DPP6: variants seen among roughly 807,000 people sequenced by gnomAD.
DPP6 encodes A-type potassium channel modulatory protein DPP6.
A neutral mutation model predicts 122.6 loss-of-function variants in DPP6; 69 were observed. The ratio of observed to expected loss-of-function variants is 0.56; its 90% CI spans 0.46 to 0.69. The LOEUF is 0.69. Ranked by LOEUF, DPP6 falls within the 30% of genes least tolerant of loss-of-function variation. DPP6 has a pLI of 0.00. For synonymous variants in DPP6, 418 were observed against 433.1 expected (o/e 0.97, Z 0.43); for missense variants, 928 against 1,116.9 (o/e 0.83, Z 2.41).
At chr7:154,651,862 T>C (rs570981787) in intron 6 of DPP6, among the ~76,000 whole-genome samples, 3 of 152,126 alleles carry the variant, frequency 2.0e-5, no homozygotes, top group Non-Finnish European at 4.4e-5. Flanking sequence ...CTGGGCGGTT[T>C]TCTCCAAGAA....
intron 3 of DPP6, among the ~76,000 whole-genome samples, chr7:154,531,916 A>G (rs948119483): frequency 3.9e-5 from 6 of 152,134 alleles, no homozygotes; most frequent in African/African-American, 1.4e-4. Flanking sequence ...AAGAAATGCA[A>G]CTAAAATAGG....
chr7:154,508,228 T>C (rs1825805942), intron 3 of DPP6, among the ~76,000 whole-genome samples: 1 of 152,148 alleles, frequency 6.6e-6, no homozygotes, highest in Non-Finnish European at 1.5e-5. Flanking sequence ...TGCAGTTCCA[T>C]CTTGTTATCT....
chr7:153,937,750 A>G (rs1801523999), intron 1 of DPP6, among the ~76,000 whole-genome samples: 1 of 152,038 alleles, frequency 6.6e-6, no homozygotes, highest in Admixed American at 6.6e-5. Context: ...CCCAGCCCAG[A>G]GCTACCTTTG....
chr7:154,706,421 G>A (rs1184239219), intron 7 of DPP6, among the ~76,000 whole-genome samples: 3 of 152,146 alleles, frequency 2.0e-5, no homozygotes, highest in Non-Finnish European at 4.4e-5. Context: ...TGCCCTGTTG[G>A]CACTTTTTAA....
chr7:153,936,956 G>A (rs1801475570), intron 1 of DPP6, among the ~76,000 whole-genome samples: 1 of 152,220 alleles, frequency 6.6e-6, no homozygotes, highest in African/African-American at 2.4e-5. Context: ...CACAACCAGA[G>A]TTCCACAGGG....
chr7:154,784,122 T>C (rs956659286), intron 10 of DPP6, among the ~76,000 whole-genome samples: 1 of 152,158 alleles, frequency 6.6e-6, no homozygotes, highest in African/African-American at 2.4e-5. Flanking sequence ...TTTCATTGCC[T>C]GTGAGCCTCA....
chr7:154,042,834 C>T (rs1183417231), intron 1 of DPP6, among the ~76,000 whole-genome samples: 1 of 152,194 alleles, frequency 6.6e-6, no homozygotes, highest in Non-Finnish European at 1.5e-5. Context: ...CTTCCTATAG[C>T]TGTGAAAATT....
Position 154,691,190 on chromosome 7 carries a change from C to T in DPP6, c.762+21749C>T, listed in dbSNP as rs569529792. Among the ~76,000 whole-genome samples the T allele has an allele frequency of 4.6e-5, 7 of 152,306 alleles. No individual in the cohort carries two copies. The South Asian group carries it at 1.4e-3, about 32-fold the overall frequency. ...TGTTCAAATGGTCAGGGTGTGATTT[C>T]ATGGGCTGCATGGATTAAGGAACAT... On this transcript the variant is annotated intron_variant, in intron 7 of 25. Coordinates refer to ENST00000377770, the MANE Select transcript of DPP6 (RefSeq NM_130797.4).
intron 1 of DPP6, among the ~76,000 whole-genome samples, chr7:154,068,074 G>A (rs1321173680): frequency 2.0e-5 from 3 of 151,984 alleles, no homozygotes; most frequent in Non-Finnish European, 4.4e-5. Flanking sequence ...AGACTCGTTT[G>A]AAGTTGAATG....
At chr7:154,405,241 C>T (rs1283046178) in intron 1 of DPP6, among the ~76,000 whole-genome samples, 1 of 152,108 alleles carries the variant, frequency 6.6e-6, no homozygotes, top group Non-Finnish European at 1.5e-5. Flanking sequence ...GCGCTTCCTC[C>T]AGATCTTCAG....
chr7:154,338,106 G>T (rs1298492417), intron 1 of DPP6, among the ~76,000 whole-genome samples: 2 of 152,052 alleles, frequency 1.3e-5, no homozygotes, highest in African/African-American at 4.8e-5. Flanking sequence ...CAGAAGGTGA[G>T]ATTCTTCTTC....
chr7:153,854,260 A>G, the DPP6 span, among the ~76,000 whole-genome samples: 1 of 152,028 alleles, frequency 6.6e-6, no homozygotes, highest in Admixed American at 6.6e-5. Flanking sequence ...CTTGTAGTAT[A>G]GTTTGAAGTC....
At chr7:154,666,183 G>GTATATA (rs377270855) in intron 6 of DPP6, among the ~76,000 whole-genome samples, 2 of 32,816 alleles carry the variant, frequency 6.1e-5, no homozygotes, top group African/African-American at 1.7e-4. Context: ...ATATATGTGT[G>GTATATA]TATATATATA....
intron 1 of DPP6, among the ~76,000 whole-genome samples, chr7:154,371,378 C>CAAAAAAAA (rs1167770083): frequency 4.0e-3 from 192 of 47,666 alleles, no homozygotes; most frequent in Non-Finnish European, 5.0e-3. Context: ...AACTCTGTCT[C>CAAAAAAAA]AAAAAAAAAA....
chr7:154,825,430 G>A (rs1300643150), intron 16 of DPP6, among the ~76,000 whole-genome samples: 1 of 152,230 alleles, frequency 6.6e-6, no homozygotes, highest in East Asian at 1.9e-4. Context: ...CGCATAAATT[G>A]TCTTCCAAGA....
intron 16 of DPP6, among the ~76,000 whole-genome samples, chr7:154,807,507 C>T (rs946931584): frequency 6.6e-6 from 1 of 152,208 alleles, no homozygotes; most frequent in Non-Finnish European, 1.5e-5. Context: ...CAAAGATTAA[C>T]TTTTCAATCA....
At chr7:154,052,069 G>C (rs1800373098), upstream of DPP6, among the ~76,000 whole-genome samples, 1 of 151,090 alleles carries the variant, frequency 6.6e-6, no homozygotes, top group Non-Finnish European at 1.5e-5. This position sits in a 1 kb window ranked among gnomAD's most constrained non-coding sequence, Gnocchi z 4.8. Context: ...CGGCCTGCCT[G>C]CCTCGACCTC....
intron 1 of DPP6, among the ~76,000 whole-genome samples, chr7:153,956,758 A>T (rs1802480060): frequency 6.6e-6 from 1 of 152,170 alleles, no homozygotes; most frequent in Non-Finnish European, 1.5e-5. Flanking sequence ...GTCTCAGCTA[A>T]TCCCAGCCTC....
chr7:154,389,761 G>A (rs926815679), intron 1 of DPP6, among the ~76,000 whole-genome samples: 10 of 152,094 alleles, frequency 6.6e-5, no homozygotes, highest in African/African-American at 2.2e-4. Context: ...TTAGACAAAA[G>A]CCCATTTAAT....
Sources: allele counts gnomAD v4.1 joint callset (sites outside exome capture counted in the v4.1 genomes callset), GRCh38; gene constraint gnomAD v4.1.1; non-coding constraint Gnocchi (gnomAD v3.1); transcripts MANE v1.5; gene names NCBI Gene and HGNC (gene_info 2026-07-23, HGNC 2026-07-21).